KIAA2012: variants seen among roughly 807,000 people sequenced by gnomAD.
KIAA2012 encodes uncharacterized protein KIAA2012.
In KIAA2012, 125 loss-of-function variants were observed where a neutral mutation model predicts 150.6. The ratio of observed to expected loss-of-function variants is 0.83; its 90% confidence interval spans 0.72 to 0.96. The LOEUF is 0.96. KIAA2012 is among the 40% of genes least tolerant of loss of function. The pLI is 0.00. For synonymous variants in KIAA2012, 462 were observed against 504.7 expected, an observed-to-expected ratio of 0.92 and a Z score of 1.13; for missense variants, 1,219 against 1,354.9, an observed-to-expected ratio of 0.90 and a Z score of 1.57.
intron 1 of KIAA2012, among the ~76,000 whole-genome samples, 164 bp downstream of exon 1, chr2:202,073,875 C>T (rs569021696): frequency 6.6e-6 from 1 of 151,486 alleles, no homozygotes; most frequent in South Asian, 2.1e-4. Flanking sequence ...AAGAAAATAA[C>T]ATCATTTTCC....
chr2:202,147,275 T>A (rs1180225471), intron 13 of KIAA2012, among the ~76,000 whole-genome samples: 2 of 152,192 alleles, frequency 1.3e-5, no homozygotes, highest in African/African-American at 4.8e-5. Flanking sequence ...CCATTAGAGA[T>A]TATTTTGGGT....
chr2:202,186,157 A>G (rs985206108), intron 16 of KIAA2012, among the ~76,000 whole-genome samples: 9 of 152,234 alleles, frequency 5.9e-5, no homozygotes, highest in African/African-American at 2.2e-4. Context: ...GCAATTCTAC[A>G]ATGGATAAAA....
intron 20 of KIAA2012, 48 bp downstream of exon 20, chr2:202,193,551 G>A: frequency 1.9e-6 from 3 of 1,539,738 alleles, no homozygotes; most frequent in East Asian, 2.4e-5. Context: ...GGAAGCAGAA[G>A]AAAAAGACAG....
chr2:202,122,297 G>A (rs948454016), intron 11 of KIAA2012, among the ~76,000 whole-genome samples: 2 of 152,206 alleles, frequency 1.3e-5, no homozygotes, highest in Non-Finnish European at 2.9e-5. Flanking sequence ...TGCAAAATCA[G>A]CCAGACAACA....
intron 14 of KIAA2012, among the ~76,000 whole-genome samples, chr2:202,156,866 T>C (rs1259142766): frequency 2.0e-5 from 3 of 152,064 alleles, no homozygotes; most frequent in Admixed American, 6.6e-5. Flanking sequence ...GCCTGGGTGA[T>C]AGAGTGAGAC....
At chr2:202,076,684 G>T (rs1176265966) in intron 2 of KIAA2012, among the ~76,000 whole-genome samples, 1 of 152,162 alleles carries the variant, frequency 6.6e-6, no homozygotes, top group Non-Finnish European at 1.5e-5. Flanking sequence ...AGGCCAGAGA[G>T]CTACTAAATG....
At chr2:202,160,061 C>T (rs193166259) in intron 14 of KIAA2012, among the ~76,000 whole-genome samples, 1 of 152,072 alleles carries the variant, frequency 6.6e-6, no homozygotes, top group African/African-American at 2.4e-5. Flanking sequence ...GTGCTGATCC[C>T]CACTGTGCAG....
intron 15 of KIAA2012, chr2:202,178,843 C>A: frequency 4.9e-6 from 1 of 203,954 alleles, no homozygotes; most frequent in Non-Finnish European, 9.9e-6. Context: ...GGACACCTCC[C>A]TGAACCTGAG....
At chr2:202,096,775 A>G (rs1689894149) in intron 4 of KIAA2012, among the ~76,000 whole-genome samples, 1 of 152,220 alleles carries the variant, frequency 6.6e-6, no homozygotes, top group South Asian at 2.1e-4. Flanking sequence ...CTGCTTCAGC[A>G]ATAAATCTAC....
intron 13 of KIAA2012, 21 bp from the exon 14 acceptor site, chr2:202,154,652 G>T: frequency 2.0e-6 from 3 of 1,520,600 alleles, no homozygotes; most frequent in Non-Finnish European, 2.6e-6. Flanking sequence ...GAAAGTTCGG[G>T]CTTTCTGCTT....
At chr2:202,196,639 C>A (rs1380912398) in intron 21 of KIAA2012, among the ~76,000 whole-genome samples, 161 bp from the exon 22 acceptor site, 1 of 151,994 alleles carries the variant, frequency 6.6e-6, no homozygotes, top group Non-Finnish European at 1.5e-5. Flanking sequence ...TAAATTAATC[C>A]CCAAGGTACT....
intron 13 of KIAA2012, among the ~76,000 whole-genome samples, chr2:202,145,492 A>T (rs1007610628): frequency 6.6e-6 from 1 of 152,148 alleles, no homozygotes; most frequent in Non-Finnish European, 1.5e-5. Context: ...ACTATCATTT[A>T]TTCCAATAAG....
chr2:202,171,012 G>A lies in KIAA2012; in HGVS notation c.2119+5656G>A, dbSNP rs143468397. Among the ~76,000 whole-genome samples, 137 of 152,262 alleles carry A rather than the reference G, an allele frequency of 9.0e-4. 1 individual carries two copies. Among genetic ancestry groups the A allele is most frequent in the African/African-American group, 2.6e-3 (108 of 41,550 alleles). ...TGAGGCTGACCTCCCCAGGCTGTCT[G>A]CATAGATTAATGCTGGATGTTAACA... On this transcript the variant is annotated intron_variant, in intron 15 of 23. Coordinates refer to ENST00000498697, the MANE Select transcript of KIAA2012 (RefSeq NM_001277372.4).
At position 202,075,096 on chromosome 2, in the gene KIAA2012, G is replaced by A; in HGVS notation, c.290G>A (p.Gly97Asp). Reference sequence around the variant, plus strand: ...AGAAAAGGCCCCTACTGCCCCAGAGGTCCCTGGAGGAAGCTGGATCTTGAA... The same window carrying A: ...AGAAAAGGCCCCTACTGCCCCAGAGATCCCTGGAGGAAGCTGGATCTTGAA... ...ERRKGPYCPR[G>D]PWRKLDLELH... Residue 97 changes from glycine to aspartate, a missense_variant, in exon 2 of 24, where the codon GGT becomes GAT. Physicochemically the swap from Gly to Asp is moderately conservative, Grantham distance 94 (BLOSUM62 -1). Coordinates refer to ENST00000498697, the MANE Select transcript of KIAA2012 (RefSeq NM_001277372.4). 1.3e-6 allele frequency: 2 copies of A among 1,550,540 alleles called. No homozygotes were observed. Among genetic ancestry groups the A allele is most frequent in the Non-Finnish European group, 1.7e-6 (2 of 1,147,002 alleles).
rs750144917 is a variant in KIAA2012 at position 202,090,836 on chromosome 2, C to T, written c.436C>T (p.Arg146Trp). The T allele has an allele frequency of 1.8e-5, 28 of 1,550,488 alleles. No individual in the cohort carries two copies. Among genetic ancestry groups the T allele is most frequent in the Admixed American group, 3.9e-5 (2 of 50,990 alleles). The change falls in exon 3 of 24, where the codon CGG becomes TGG. Residue 146 changes from arginine to tryptophan, a missense_variant. Arg to Trp is a moderately radical substitution (Grantham distance 101). Transcript: ENST00000498697. Reference sequence around the variant, plus strand: ...AAGCCAGCTGGAGAGCCAGGCCCAACGGCAGATCCAGCCAGGGCATTCAGC... The same window carrying T: ...AAGCCAGCTGGAGAGCCAGGCCCAATGGCAGATCCAGCCAGGGCATTCAGC... ...FRSQLESQAQRQIQPGHSAKR... is the reference protein window; with the variant it reads ...FRSQLESQAQWQIQPGHSAKR...
intron 4 of KIAA2012, among the ~76,000 whole-genome samples, chr2:202,094,319 C>T (rs1371273896): frequency 6.6e-6 from 1 of 152,128 alleles, no homozygotes; most frequent in African/African-American, 2.4e-5. Flanking sequence ...GAAACAGTGG[C>T]AGTGCCTGAC....
At chr2:202,087,998 CAA>C (rs527244781) in intron 2 of KIAA2012, among the ~76,000 whole-genome samples, 18 of 129,746 alleles carry the variant, frequency 1.4e-4, no homozygotes, top group Admixed American at 1.5e-4. Context: ...CAATCCAAAC[CAA>C]AAAAAAAAAA....
intron 13 of KIAA2012, among the ~76,000 whole-genome samples, chr2:202,140,058 T>A (rs1433773479): frequency 1.3e-5 from 2 of 152,016 alleles, no homozygotes; most frequent in Non-Finnish European, 2.9e-5. Context: ...TGAAACCCCG[T>A]CTCTACTAAA....
At chr2:202,140,754 C>T (rs1415731526) in intron 13 of KIAA2012, among the ~76,000 whole-genome samples, 1 of 152,180 alleles carries the variant, frequency 6.6e-6, no homozygotes, top group African/African-American at 2.4e-5. Context: ...AGTTCCCTAC[C>T]TTGATGGGCC....
Sources: allele counts gnomAD v4.1 joint callset (sites outside exome capture counted in the v4.1 genomes callset), GRCh38; gene constraint gnomAD v4.1.1; transcripts MANE v1.5; gene names NCBI Gene and HGNC (gene_info 2026-07-23, HGNC 2026-07-21).